EPB41L4A: variants seen among roughly 807,000 people sequenced by gnomAD.
EPB41L4A encodes the protein band 4.1-like protein 4A.
In EPB41L4A, 100 loss-of-function variants were observed where a neutral mutation model predicts 108.6. The ratio of observed to expected loss-of-function variants is 0.92; its 90% CI spans 0.78 to 1.09. The LOEUF is 1.09. Ranked by LOEUF, EPB41L4A falls within the 50% of genes least tolerant of loss-of-function variation. The pLI, the probability that EPB41L4A is intolerant of heterozygous loss-of-function variation, is 0.00. For missense variants in EPB41L4A, 1,030 were observed against 842.7 expected, an observed-to-expected ratio of 1.22 and a Z score of -2.75; for synonymous variants, 319 against 289.0, an observed-to-expected ratio of 1.10 and a Z score of -1.05.
At chr5:112,231,791 CAA>C (rs777370941) in intron 12 of EPB41L4A, among the ~76,000 whole-genome samples, 8 of 37,624 alleles carry the variant, frequency 2.1e-4, no homozygotes, top group South Asian at 3.1e-3. Context: ...GACTCCGTCT[CAA>C]AAAAAAAAAA....
intron 12 of EPB41L4A, among the ~76,000 whole-genome samples, chr5:112,210,748 A>G (rs1762698091): frequency 6.6e-6 from 1 of 152,018 alleles, no homozygotes; most frequent in African/African-American, 2.4e-5. Flanking sequence ...GGGCTCTGGG[A>G]ACAACTCTTC....
At chr5:112,377,602 G>C (rs1278292686) in intron 1 of EPB41L4A, among the ~76,000 whole-genome samples, 1 of 152,046 alleles carries the variant, frequency 6.6e-6, no homozygotes, top group Non-Finnish European at 1.5e-5. Context: ...CAATAAAAAG[G>C]GGGCATCCTG....
chr5:112,334,275 A>G (rs1756778976), intron 1 of EPB41L4A, among the ~76,000 whole-genome samples: 1 of 152,210 alleles, frequency 6.6e-6, no homozygotes, highest in South Asian at 2.1e-4. Flanking sequence ...ACCCCAAAAT[A>G]TATTTCTTTG....
intron 12 of EPB41L4A, among the ~76,000 whole-genome samples, chr5:112,224,328 T>C (rs1364103368): frequency 6.6e-6 from 1 of 152,116 alleles, no homozygotes; most frequent in Non-Finnish European, 1.5e-5. Flanking sequence ...AAAACTACAT[T>C]TTATAATCTG....
chr5:112,182,223 T>C (rs1394112900), intron 18 of EPB41L4A, among the ~76,000 whole-genome samples: 1 of 152,146 alleles, frequency 6.6e-6, no homozygotes, highest in East Asian at 1.9e-4. Flanking sequence ...AAACTGTACA[T>C]ATAAGATGAG....
chr5:112,243,141 G>A (rs931845562), intron 9 of EPB41L4A, among the ~76,000 whole-genome samples: 9 of 149,626 alleles, frequency 6.0e-5, no homozygotes, highest in Non-Finnish European at 1.2e-4. Context: ...TTGAATCCGG[G>A]AGGCAGAGGT....
At chr5:112,397,722 T>C (rs1016426757) in intron 1 of EPB41L4A, among the ~76,000 whole-genome samples, 2 of 152,348 alleles carry the variant, frequency 1.3e-5, no homozygotes, top group Admixed American at 6.5e-5. Context: ...TAAAATAAAA[T>C]AGCAATTAGA....
At chr5:112,224,730 T>C (rs921836648) in intron 12 of EPB41L4A, among the ~76,000 whole-genome samples, 9 of 152,092 alleles carry the variant, frequency 5.9e-5, no homozygotes, top group African/African-American at 2.2e-4. Flanking sequence ...AATTTAAACA[T>C]CCCTCAGAGC....
downstream of EPB41L4A, chr5:112,161,609 G>T (rs1759908961): frequency 1.9e-6 from 1 of 519,074 alleles, no homozygotes; most frequent in African/African-American, 1.9e-5. Context: ...AGCTGCATAA[G>T]TAACAGTTGC....
At chr5:112,343,143 G>T (rs1216683026) in intron 1 of EPB41L4A, among the ~76,000 whole-genome samples, 1 of 152,136 alleles carries the variant, frequency 6.6e-6, no homozygotes, top group Non-Finnish European at 1.5e-5. Flanking sequence ...TACATTAAGG[G>T]TTCTCAAGTG....
chr5:112,390,874 G>C (rs1424455406), intron 1 of EPB41L4A, among the ~76,000 whole-genome samples: 1 of 152,168 alleles, frequency 6.6e-6, no homozygotes, highest in East Asian at 1.9e-4. Context: ...AGCAATATTT[G>C]CTGTTCTGCA....
intron 12 of EPB41L4A, among the ~76,000 whole-genome samples, chr5:112,154,112 TA>T (rs1759567913): frequency 6.6e-6 from 1 of 152,180 alleles, no homozygotes; most frequent in Admixed American, 6.5e-5. Context: ...AATTAATTAA[TA>T]ATGTAAGTGT....
At chr5:112,399,149 C>T (rs138704640) in intron 1 of EPB41L4A, among the ~76,000 whole-genome samples, 1 of 152,276 alleles carries the variant, frequency 6.6e-6, no homozygotes, top group Admixed American at 6.5e-5. Context: ...ATGATCATCA[C>T]ATATCACCAG....
intron 15 of EPB41L4A, among the ~76,000 whole-genome samples, chr5:112,197,510 G>A (rs2150274788): frequency 6.6e-6 from 1 of 152,294 alleles, no homozygotes; most frequent in Non-Finnish European, 1.5e-5. Flanking sequence ...CCAGGAATAT[G>A]ATTCCATTCT....
rs1762921456 is a variant in EPB41L4A, at chr5:112,419,220, G to A, written c.-181C>T. 1 of 484,590 alleles carries A rather than the reference G, an allele frequency of 2.1e-6. No homozygotes were observed. Among genetic ancestry groups the A allele is most frequent in the Non-Finnish European group, 3.7e-6 (1 of 273,690 alleles). The allele number at this position is 484,590 out of a possible 1,614,324, so 30.0% of individuals were successfully genotyped here. A position where few individuals can be genotyped will look rare whatever the true frequency, so the allele number is the denominator to read the frequency against. ...GCCCGGCGGGGCGGGAGCGAGAAAG[G>A]CGGAAAAGCCCGGGAGAGTCAGCGC... On this transcript the variant is annotated 5_prime_UTR_variant, in exon 1 of 23. Coordinates refer to ENST00000261486, the MANE Select transcript of EPB41L4A (RefSeq NM_022140.5).
intron 6 of EPB41L4A, among the ~76,000 whole-genome samples, chr5:112,263,239 AGTGT>A (rs1049251857): frequency 1.3e-5 from 2 of 152,134 alleles, no homozygotes; most frequent in African/African-American, 4.8e-5. Flanking sequence ...TGTGCAAGCG[AGTGT>A]GTGTGAGTGT....
intron 15 of EPB41L4A, among the ~76,000 whole-genome samples, chr5:112,196,246 G>T (rs1372067960): frequency 6.6e-6 from 1 of 152,164 alleles, no homozygotes; most frequent in Non-Finnish European, 1.5e-5. Flanking sequence ...CCTGGTTAAA[G>T]GTGCTGGCTC....
intron 9 of EPB41L4A, among the ~76,000 whole-genome samples, chr5:112,247,924 C>G (rs910483029): frequency 6.6e-6 from 1 of 152,158 alleles, no homozygotes; most frequent in African/African-American, 2.4e-5. Context: ...ACTACCATCA[C>G]TTAAGGAAAG....
At chr5:112,266,376 C>T (rs1460996325) in intron 4 of EPB41L4A, 46 bp from the exon 5 acceptor site, 2 of 1,369,376 alleles carry the variant, frequency 1.5e-6, no homozygotes, top group Admixed American at 4.6e-5. Context: ...TTACACTACT[C>T]AAACCTGAGG....
Sources: gnomAD v4.1 joint callset for allele counts (sites outside exome capture counted in the v4.1 genomes callset) on GRCh38, gnomAD v4.1.1 for gene constraint, MANE v1.5 for transcripts, NCBI Gene and HGNC (gene_info 2026-07-23, HGNC 2026-07-21) for gene names.